The following SLC2A2 variants were observed in gnomAD, a reference collection of about 807,000 sequenced individuals.
SLC2A2 encodes the protein solute carrier family 2 member 2.
In SLC2A2, 36 loss-of-function variants were observed where a neutral mutation model predicts 54.5. That is an observed-to-expected ratio of 0.66 (90% CI 0.51 to 0.87). The LOEUF (loss-of-function observed/expected upper bound fraction) is 0.87, where lower values mean the gene tolerates loss of function less well. Ranked by LOEUF, SLC2A2 falls within the 40% of genes least tolerant of loss-of-function variation. The probability of loss-of-function intolerance (pLI) is 0.00; values close to 1 mark genes in which losing one functional copy is unlikely to be tolerated. For missense variants in SLC2A2, 543 were observed against 624.3 expected (o/e 0.87, Z 1.39); for synonymous variants, 223 against 219.1 (o/e 1.02, Z -0.16).
At chr3:171,002,992 G>A (rs1178986588) in intron 7 of SLC2A2, among the ~76,000 whole-genome samples, 4 of 151,970 alleles carry the variant, frequency 2.6e-5, no homozygotes, top group Admixed American at 2.6e-4. Flanking sequence ...TAAATATGCA[G>A]CTTAATTAAT....
At chr3:171,017,106 C>T (rs1356137107) in intron 2 of SLC2A2, among the ~76,000 whole-genome samples, 2 of 152,140 alleles carry the variant, frequency 1.3e-5, no homozygotes, top group Admixed American at 1.3e-4. Flanking sequence ...CCAACCTCAG[C>T]CTCCCAAAGT....
chr3:171,023,378 G>A (rs993864868), intron 1 of SLC2A2, among the ~76,000 whole-genome samples: 14 of 152,008 alleles, frequency 9.2e-5, no homozygotes, highest in Admixed American at 2.6e-4. Flanking sequence ...TGCCCTCTCT[G>A]AACTCCATGT....
rs530725140 is a variant in SLC2A2, at chr3:170,998,430, A to G, written c.1171-34T>C. On this transcript the variant is annotated intron_variant, in intron 9 of 10. Coordinates refer to ENST00000314251, the MANE Select transcript of SLC2A2 (RefSeq NM_000340.2). ...AAAAACAAAAACAATAGTGGGACTG[A>G]GATCATTTGGCTGCTTTTTCCTTTA... is the stretch of plus-strand genomic sequence containing the variant. 5.5e-5 allele frequency: 86 copies of G among 1,575,472 alleles called. No homozygotes were observed. In the South Asian group the frequency reaches 8.8e-4, roughly 16 times the overall value.
intron 6 of SLC2A2, 44 bp from the exon 7 acceptor site, chr3:171,005,516 A>T: frequency 6.7e-7 from 1 of 1,494,766 alleles, no homozygotes; most frequent in Non-Finnish European, 9.3e-7. Context: ...AGGCCAAAAC[A>T]AAAAGAAATT....
intron 2 of SLC2A2, among the ~76,000 whole-genome samples, chr3:171,017,278 T>C (rs1409137026): frequency 6.6e-6 from 1 of 152,194 alleles, no homozygotes; most frequent in Non-Finnish European, 1.5e-5. Context: ...ACCTGCTAAA[T>C]TGGCATGTGT....
intron 9 of SLC2A2, 122 bp downstream of exon 9, chr3:170,998,943 T>C: frequency 1.3e-6 from 1 of 769,898 alleles, no homozygotes; most frequent in South Asian, 1.4e-5. Context: ...GCTGTTGCTC[T>C]GGCTTTATTT....
chr3:170,997,465 T>C lies in SLC2A2; in HGVS notation c.*438A>G, dbSNP rs1029552786. ...GTTGTCTATTTTAACATGGAACTTATTGCCACTAGCCATATCTCCTTTAAC... is the reference window on the plus strand; with the variant it reads ...GTTGTCTATTTTAACATGGAACTTACTGCCACTAGCCATATCTCCTTTAAC... On this transcript the variant is annotated 3_prime_UTR_variant, in exon 11 of 11. Transcript: ENST00000314251. 3 of 163,090 alleles carry C rather than the reference T, an allele frequency of 1.8e-5. No individual in the cohort carries two copies. The highest frequency in any genetic ancestry group is 4.8e-5 in the African/African-American group (2 of 41,494). The allele number at this position is 163,090 out of a possible 1,614,324, so 10.1% of individuals were successfully genotyped here.
Position 171,014,626 on chromosome 3 carries a change from A to G in SLC2A2, c.214T>C (p.Tyr72His). 1.2e-6 allele frequency: 2 copies of G among 1,614,130 alleles called. No homozygotes were observed. Among genetic ancestry groups the G allele is most frequent in the Non-Finnish European group, 8.5e-7 (1 of 1,180,000 alleles). ...GGGGTTGGTTTTGGGTTCATTGAGT[A>G]TGAGATTGTGGGCAGTTCATCTGTA... The part of the protein sequence containing the change: ...NSTDELPTIS[Y>H]SMNPKPTPWA... Residue 72 changes from tyrosine (Y) to histidine (H), a missense_variant, in exon 3 of 11, where the codon TAC (tyrosine) becomes CAC (histidine). Coordinates refer to ENST00000314251, the MANE Select transcript of SLC2A2 (RefSeq NM_000340.2).
intron 8 of SLC2A2, 75 bp downstream of exon 8, chr3:171,002,501 G>T: frequency 1.1e-6 from 1 of 913,500 alleles, no homozygotes; most frequent in Non-Finnish European, 1.8e-6. Flanking sequence ...TGCTTTTAGA[G>T]CCGAAGTTCC....
intron 4 of SLC2A2, among the ~76,000 whole-genome samples, chr3:171,009,646 G>T: frequency 6.6e-6 from 1 of 152,080 alleles, no homozygotes; most frequent in East Asian, 1.9e-4. Flanking sequence ...CTATAAGGTA[G>T]ATATTATTAT....
chr3:171,014,760 A>C, intron 2 of SLC2A2, 29 bp from the exon 3 acceptor site: 3 of 1,577,910 alleles, frequency 1.9e-6, no homozygotes, highest in Non-Finnish European at 2.6e-6. Context: ...TAGCTTTACT[A>C]TTTCAAACAT....
Position 171,014,835 on chromosome 3 carries a change from A to T in SLC2A2, c.109-104T>A, listed in dbSNP as rs1716064803. 4 of 882,592 alleles carry T rather than the reference A, an allele frequency of 4.5e-6. No homozygotes were observed. In the South Asian group the frequency reaches 5.8e-5, roughly 13 times the overall value. 54.7% of individuals were successfully genotyped at this position (882,592 alleles called of 1,614,324 possible). The stretch of plus-strand genomic sequence containing the variant: ...GTGTTTAAATAGTACCATCTCAATT[A>T]TGTGTTTTATATACATATAAACATG... On this transcript the variant is annotated intron_variant, in intron 2 of 10. Coordinates refer to ENST00000314251, the MANE Select transcript of SLC2A2 (RefSeq NM_000340.2).
intron 7 of SLC2A2, among the ~76,000 whole-genome samples, chr3:171,003,443 G>A (rs186195725): frequency 5.3e-5 from 8 of 150,760 alleles, no homozygotes; most frequent in Non-Finnish European, 1.2e-4. Context: ...GTTTTTTTTG[G>A]GGGGGAGGGT....
chr3:171,015,623 A>G (rs1380125964), intron 2 of SLC2A2, among the ~76,000 whole-genome samples: 2 of 152,220 alleles, frequency 1.3e-5, no homozygotes, highest in African/African-American at 2.4e-5. Flanking sequence ...ATGAGGGTCA[A>G]AAATCAAGTT....
chr3:171,025,573 G>T (rs529407152), intron 1 of SLC2A2, among the ~76,000 whole-genome samples: 1 of 152,040 alleles, frequency 6.6e-6, no homozygotes, highest in Non-Finnish European at 1.5e-5. Flanking sequence ...AAAACCCAAA[G>T]CTCAGTTAAA....
At position 170,998,038 on chromosome 3, in the gene SLC2A2, T is replaced by C. The variant is rs1187453971; in HGVS notation, c.1440A>G (p.Thr480=). 2.5e-6 allele frequency: 4 copies of C among 1,613,498 alleles called. No individual in the cohort carries two copies. In the East Asian group the frequency reaches 6.7e-5, roughly 27 times the overall value. ...AGVLLAFTLF[T]FFKVPETKGK... is the part of the protein sequence containing the mutation. ...CTTTGGTTTCTGGAACTTTAAAAAA[T>C]GTGAACAGGGTAAAGGCCAGGAGCA... The change falls in exon 11 of 11, where the codon ACA becomes ACG. Residue 480 remains threonine, a synonymous_variant. Transcript: ENST00000314251.
chr3:171,025,758 T>C (rs1231192336), intron 1 of SLC2A2, among the ~76,000 whole-genome samples: 5 of 152,158 alleles, frequency 3.3e-5, no homozygotes, highest in Non-Finnish European at 7.3e-5. Flanking sequence ...GGGCACAGAT[T>C]GATCAACTTA....
Position 170,997,728 on chromosome 3 carries a change from A to G in SLC2A2, c.*175T>C, listed in dbSNP as rs1203842577. 3.2e-6 allele frequency: 2 copies of G among 631,844 alleles called. No individual in the cohort carries two copies. The highest frequency in any genetic ancestry group is 3.0e-5 in the Admixed American group (1 of 33,862). 39.1% of individuals were successfully genotyped at this position (631,844 alleles called of 1,614,324 possible). On this transcript the variant is annotated 3_prime_UTR_variant, in exon 11 of 11. Transcript: ENST00000314251. ...ATTACAGTCTTACCATCAAAAATAT[A>G]TTCTCTAACTTAAAAAAATACTTTT...
At chr3:171,019,097 G>GTATATATATATA (rs775019312) in intron 1 of SLC2A2, among the ~76,000 whole-genome samples, 1 of 20,154 alleles carries the variant, frequency 5.0e-5, no homozygotes, top group Non-Finnish European at 7.5e-5. Context: ...GTGTGTGTGT[G>GTATATATATATA]TATATATATA....
Sources: allele counts gnomAD v4.1 joint callset (sites outside exome capture counted in the v4.1 genomes callset), GRCh38; gene constraint gnomAD v4.1.1; transcripts MANE v1.5; gene names NCBI Gene and HGNC (gene_info 2026-07-23, HGNC 2026-07-21).